KIAA1217: variants seen among roughly 807,000 people sequenced by gnomAD.
KIAA1217 encodes sickle tail protein homolog.
Under a neutral mutation model 163.9 loss-of-function variants are expected in KIAA1217, and 88 were observed. The ratio of observed to expected loss-of-function variants is 0.54; its 90% CI spans 0.45 to 0.64. KIAA1217 has a LOEUF of 0.64. Among genes scored for constraint, KIAA1217 ranks in the 30% least tolerant of loss-of-function variants. The probability of loss-of-function intolerance (pLI) is 0.00; values close to 1 mark genes in which losing one functional copy is unlikely to be tolerated. For synonymous variants in KIAA1217, 903 were observed against 923.1 expected (o/e 0.98, Z 0.39); for missense variants, 2,372 against 2,475.0 (o/e 0.96, Z 0.88).
chr10:23,973,849 A>AG (rs994906182), intron 1 of KIAA1217, among the ~76,000 whole-genome samples: 1 of 151,906 alleles, frequency 6.6e-6, no homozygotes, highest in African/African-American at 2.4e-5. Flanking sequence ...GAAAAAAAAA[A>AG]CCCTCTCATT....
rs1835727268 is a variant in KIAA1217, at chr10:23,790,235, G to GCA, written c.-321+95002_-321+95003dup. Among the ~76,000 whole-genome samples the GCA allele has an allele frequency of 3.6e-5, 4 of 111,844 alleles. 2 individuals carry two copies. The highest frequency in any genetic ancestry group is 7.0e-5 in the Non-Finnish European group (4 of 57,268). 73.4% of individuals were successfully genotyped at this position (111,844 alleles called of 152,430 possible). A position where few individuals can be genotyped will look rare whatever the true frequency, so the allele number is the denominator to read the frequency against. On this transcript the variant is annotated intron_variant, in intron 1 of 18. Coordinates refer to the KIAA1217 transcript ENST00000376462. ...TATACACATATGCATATGCACATAT[G>GCA]CATATGCACATATGCATATGCACAT...
chr10:24,543,381 A>G lies in KIAA1217; in HGVS notation c.4111A>G (p.Ser1371Gly). Residue 1371 changes from serine (S) to glycine (G), a missense_variant, in exon 19 of 21, where the codon AGT becomes GGT. Ser to Gly is a moderately conservative substitution (Grantham distance 56). Coordinates refer to ENST00000376454, the MANE Select transcript of KIAA1217 (RefSeq NM_019590.5). ...TAATGAGGATGGAGAATCAAGTTCA[A>G]GTTCTCCCACTGAAGAAAATGCAGC... ...NPNEDGESSS[S>G]SPTEENAATD... 6.2e-7 allele frequency: 1 copy of G among 1,614,184 alleles called. No individual in the cohort carries two copies. Among genetic ancestry groups the G allele is most frequent in the Non-Finnish European group, 8.5e-7 (1 of 1,180,030 alleles).
At chr10:24,039,725 T>C (rs1480171790) in intron 2 of KIAA1217, among the ~76,000 whole-genome samples, 1 of 152,168 alleles carries the variant, frequency 6.6e-6, no homozygotes, top group Non-Finnish European at 1.5e-5. Flanking sequence ...TATGTATGCA[T>C]ACAGAGGAAT....
At chr10:24,414,949 C>T (rs1338922219) in intron 3 of KIAA1217, among the ~76,000 whole-genome samples, 1 of 152,072 alleles carries the variant, frequency 6.6e-6, no homozygotes, top group Non-Finnish European at 1.5e-5. Context: ...ACCAAAAAGT[C>T]TTCTGGAGTT....
rs910048827 is a variant in KIAA1217, at chr10:23,982,398, G to A, written c.-320-24827G>A. Among the ~76,000 whole-genome samples, 14 of 152,256 alleles carry A rather than the reference G, an allele frequency of 9.2e-5. 1 individual carries two copies. In the East Asian group the frequency reaches 2.3e-3, roughly 25 times the overall value. On this transcript the variant is annotated intron_variant, in intron 1 of 18. Transcript: ENST00000376462. ...TTCCCTGGACAGCAGTGGGAGTGAC[G>A]CTGGCCTCTAAAGTCAGAAGTTACA...
rs533771928 is a variant in KIAA1217, at chr10:23,864,301, C to T, written c.-320-142924C>T. On this transcript the variant is annotated intron_variant, in intron 1 of 18. Coordinates refer to the KIAA1217 transcript ENST00000376462. Reference sequence around the variant, plus strand: ...ATTTTTCTTACTTGTATATCTTATGCCTGTGATAACTGTCCGTTTTGCACA... The same window carrying T: ...ATTTTTCTTACTTGTATATCTTATGTCTGTGATAACTGTCCGTTTTGCACA... 7.2e-5 allele frequency among the ~76,000 whole-genome samples: 11 copies of T among 151,994 alleles called. No homozygotes were observed. In the South Asian group the frequency reaches 1.5e-3, roughly 20 times the overall value.
At chr10:23,762,971 T>A (rs1440711195) in intron 1 of KIAA1217, among the ~76,000 whole-genome samples, 2 of 151,716 alleles carry the variant, frequency 1.3e-5, no homozygotes, top group African/African-American at 4.8e-5. Context: ...TATACACCAA[T>A]AGAGAAGCAG....
intron 2 of KIAA1217, among the ~76,000 whole-genome samples, chr10:24,345,318 G>A (rs996796451): frequency 1.3e-5 from 2 of 152,168 alleles, no homozygotes; most frequent in African/African-American, 2.4e-5. Context: ...TGCCCACTTC[G>A]TAGGAATACG....
At chr10:24,293,684 C>T (rs965623184) in intron 2 of KIAA1217, among the ~76,000 whole-genome samples, 12 of 152,130 alleles carry the variant, frequency 7.9e-5, no homozygotes, top group African/African-American at 1.7e-4. Context: ...ATCTGAAGCC[C>T]CTTGTTGCCT....
chr10:24,204,004 A>G (rs1377496709), upstream of KIAA1217, among the ~76,000 whole-genome samples: 1 of 152,268 alleles, frequency 6.6e-6, no homozygotes, highest in Non-Finnish European at 1.5e-5. Flanking sequence ...AACTTAAAAT[A>G]GATAAAAGAA....
rs540518959 is a variant in KIAA1217 at position 24,346,131 on chromosome 10, G to A, written c.355-34738G>A. Among the ~76,000 whole-genome samples the A allele has an allele frequency of 3.9e-5, 6 of 152,220 alleles. No individual in the cohort carries two copies. The East Asian group carries it at 7.8e-4, about 20-fold the overall frequency. ...TTAGCACAATGTCCTCAAGGTTCAC[G>A]TATGTGGCAGCATGTGTCAGAATTT... On this transcript the variant is annotated intron_variant, in intron 2 of 20. Coordinates refer to ENST00000376454, the MANE Select transcript of KIAA1217 (RefSeq NM_019590.5).
At chr10:23,774,286 C>T (rs1035175746) in intron 1 of KIAA1217, among the ~76,000 whole-genome samples, 27 of 152,108 alleles carry the variant, frequency 1.8e-4, no homozygotes, top group African/African-American at 5.8e-4. Context: ...AAAGGACTGG[C>T]GAAAGAGGTG....
chr10:24,128,500 A>G (rs187652049), intron 2 of KIAA1217, among the ~76,000 whole-genome samples: 1 of 152,280 alleles, frequency 6.6e-6, no homozygotes, highest in African/African-American at 2.4e-5. Flanking sequence ...TGACTTCAAC[A>G]TTTTTGCGCT....
intron 5 of KIAA1217, among the ~76,000 whole-genome samples, chr10:24,454,681 G>T (rs2061633347): frequency 6.6e-6 from 1 of 152,156 alleles, no homozygotes; most frequent in Non-Finnish European, 1.5e-5. Context: ...AGTCCTTGCA[G>T]TCACTTACAA....
intron 6 of KIAA1217, among the ~76,000 whole-genome samples, chr10:24,492,064 C>T (rs777970919): frequency 1.3e-4 from 20 of 152,308 alleles, no homozygotes; most frequent in Non-Finnish European, 2.1e-4. Flanking sequence ...AGCACCACTG[C>T]GGATAGAGTC....
chr10:24,012,375 C>G (rs1238890125), intron 2 of KIAA1217, among the ~76,000 whole-genome samples: 2 of 152,120 alleles, frequency 1.3e-5, no homozygotes, highest in South Asian at 2.1e-4. Flanking sequence ...GACCTCTAAG[C>G]CCATCCTCAC....
chr10:24,400,458 C>T (rs2056393187), intron 3 of KIAA1217, among the ~76,000 whole-genome samples: 1 of 152,166 alleles, frequency 6.6e-6, no homozygotes, highest in African/African-American at 2.4e-5. Context: ...AGCCCCATCT[C>T]AACATGTCAC....
chr10:24,121,537 T>C (rs188913743), intron 2 of KIAA1217, among the ~76,000 whole-genome samples: 22 of 152,322 alleles, frequency 1.4e-4, no homozygotes, highest in Admixed American at 1.3e-3. Context: ...AATGAAGTCT[T>C]TCAAATTGTC....
chr10:24,377,249 A>G (rs1335891424), intron 2 of KIAA1217, among the ~76,000 whole-genome samples: 3 of 152,186 alleles, frequency 2.0e-5, no homozygotes, highest in Non-Finnish European at 4.4e-5. Flanking sequence ...GATTTGGGGA[A>G]GTCTTTACAA....
Sources: gnomAD v4.1 joint callset for allele counts (sites outside exome capture counted in the v4.1 genomes callset) on GRCh38, gnomAD v4.1.1 for gene constraint, MANE v1.5 for transcripts, NCBI Gene and HGNC (gene_info 2026-07-23, HGNC 2026-07-21) for gene names.